PTPN5: variants seen among roughly 807,000 people sequenced by gnomAD.
The protein encoded by PTPN5 is tyrosine-protein phosphatase non-receptor type 5.
A neutral mutation model predicts 73.9 loss-of-function variants in PTPN5; 29 were observed. The ratio of observed to expected loss-of-function variants is 0.39; its 90% confidence interval spans 0.29 to 0.54. PTPN5 has a LOEUF of 0.54. PTPN5 is among the 20% of genes least tolerant of loss of function. PTPN5 has a pLI of 0.65. For missense variants in PTPN5, 652 were observed against 751.4 expected, an observed-to-expected ratio of 0.87 and a Z score of 1.55; for synonymous variants, 267 against 304.7, an observed-to-expected ratio of 0.88 and a Z score of 1.29.
intron 1 of PTPN5, among the ~76,000 whole-genome samples, chr11:18,773,572 T>G (rs911344585): frequency 6.6e-6 from 1 of 152,116 alleles, no homozygotes; most frequent in Non-Finnish European, 1.5e-5. Flanking sequence ...CCTTGAAACA[T>G]CCCTGGCATG....
chr11:18,730,236 CTTAGTGCTGCAA>C (rs1032802911), intron 12 of PTPN5: 59 of 357,014 alleles, frequency 1.7e-4, no homozygotes, highest in Admixed American at 9.3e-5. Flanking sequence ...TCGCCTCTAT[CTTAGTGCTGCAA>C]TTAGTGCTGC....
At chr11:18,750,067 T>C (rs930617) in intron 3 of PTPN5, among the ~76,000 whole-genome samples, 24,810 of 152,158 alleles carry the variant, frequency 0.16, 2,248 homozygotes, top group African/African-American at 0.25. Flanking sequence ...GTTCAGCCCA[T>C]TAATTTCTCA....
At chr11:18,734,084 G>A (rs1849010804) in intron 9 of PTPN5, among the ~76,000 whole-genome samples, 1 of 152,134 alleles carries the variant, frequency 6.6e-6, no homozygotes, top group South Asian at 2.1e-4. Context: ...TCTGTCAAAT[G>A]GAGGCAAAGA....
At chr11:18,771,275 C>A (rs1387514080) in intron 2 of PTPN5, among the ~76,000 whole-genome samples, 1 of 152,192 alleles carries the variant, frequency 6.6e-6, no homozygotes, top group Non-Finnish European at 1.5e-5. Context: ...CTGAATCAAA[C>A]CTGTCCATTC....
At chr11:18,760,986 G>A (rs1178978983) in intron 3 of PTPN5, among the ~76,000 whole-genome samples, 2 of 152,234 alleles carry the variant, frequency 1.3e-5, no homozygotes, top group African/African-American at 2.4e-5. Context: ...TCCTGCTTAC[G>A]CATCTTCAGG....
chr11:18,777,540 A>G (rs949199988), intron 1 of PTPN5, among the ~76,000 whole-genome samples: 6 of 152,244 alleles, frequency 3.9e-5, no homozygotes, highest in Non-Finnish European at 8.8e-5. Context: ...TCTGGGATGA[A>G]TCTTGCGGAG....
intron 1 of PTPN5, among the ~76,000 whole-genome samples, chr11:18,782,204 A>T (rs935291960): frequency 6.6e-6 from 1 of 151,668 alleles, no homozygotes; most frequent in Non-Finnish European, 1.5e-5. Context: ...AAAACGTGAC[A>T]ACGTGGATGG....
At chr11:18,748,679 G>A (rs918803151) in intron 3 of PTPN5, among the ~76,000 whole-genome samples, 48 of 152,034 alleles carry the variant, frequency 3.2e-4, no homozygotes, top group African/African-American at 1.1e-3. Context: ...ATTGGTGTTA[G>A]TTTCAAAGAT....
chr11:18,752,824 G>A (rs982644587), intron 3 of PTPN5, among the ~76,000 whole-genome samples: 6 of 152,222 alleles, frequency 3.9e-5, no homozygotes, highest in Non-Finnish European at 8.8e-5. Context: ...AGGTACCAGA[G>A]GTCCCCAGTG....
At chr11:18,789,899 C>T (rs529815255) in intron 1 of PTPN5, among the ~76,000 whole-genome samples, 87 of 152,054 alleles carry the variant, frequency 5.7e-4, no homozygotes, top group Non-Finnish European at 1.2e-3. Flanking sequence ...AAAGAACTTA[C>T]TCACGAAACC....
chr11:18,743,260 G>T (rs1849455510), intron 5 of PTPN5, 62 bp downstream of exon 5: 2 of 1,494,070 alleles, frequency 1.3e-6, no homozygotes, highest in African/African-American at 1.4e-5. Context: ...AGGTTGGGGA[G>T]GGTGGGACTA....
chr11:18,731,189 A>G (rs1848858413), intron 12 of PTPN5, among the ~76,000 whole-genome samples: 1 of 147,744 alleles, frequency 6.8e-6, no homozygotes, highest in Non-Finnish European at 1.5e-5. Flanking sequence ...TATATTATAT[A>G]TTTATATTAT....
intron 3 of PTPN5, among the ~76,000 whole-genome samples, chr11:18,752,989 A>C (rs1003245897): frequency 2.1e-4 from 32 of 152,254 alleles, no homozygotes; most frequent in African/African-American, 7.5e-4. Flanking sequence ...CCTCTAGTTC[A>C]GCTCTCTCAT....
rs753943415 is a variant in PTPN5 at position 18,740,586 on chromosome 11, G to A, written c.915+17C>T. The A allele has an allele frequency of 1.3e-4, 200 of 1,526,372 alleles. No individual in the cohort carries two copies. In the East Asian group the frequency reaches 4.1e-3, roughly 31 times the overall value. The allele number at this position is 1,526,372 out of a possible 1,614,324, so 94.6% of individuals were successfully genotyped here. A position where few individuals can be genotyped will look rare whatever the true frequency, so the allele number is the denominator to read the frequency against. ...TGGGTCTGCACACAGTGGGGCGACCGGCTCAAGGGAACTCACAAAGAATTC... is the reference window on the plus strand; with the variant it reads ...TGGGTCTGCACACAGTGGGGCGACCAGCTCAAGGGAACTCACAAAGAATTC... On this transcript the variant is annotated intron_variant, in intron 8 of 14. Coordinates refer to ENST00000358540, the MANE Select transcript of PTPN5 (RefSeq NM_006906.2).
intron 1 of PTPN5, among the ~76,000 whole-genome samples, chr11:18,782,846 G>A (rs1453657647): frequency 6.6e-6 from 1 of 152,186 alleles, no homozygotes; most frequent in Non-Finnish European, 1.5e-5. Flanking sequence ...TATAGGAGAT[G>A]GGGCCAGGGA....
intron 7 of PTPN5, among the ~76,000 whole-genome samples, chr11:18,741,160 G>T (rs967505528): frequency 1.3e-5 from 2 of 152,164 alleles, no homozygotes. Context: ...GGGGACACCT[G>T]CCTGAAGCAC....
chr11:18,787,984 T>C (rs1207506785), intron 1 of PTPN5, among the ~76,000 whole-genome samples: 1 of 152,172 alleles, frequency 6.6e-6, no homozygotes, highest in Non-Finnish European at 1.5e-5. Context: ...TGGTCCCTGG[T>C]AGATTCATAG....
intron 12 of PTPN5, among the ~76,000 whole-genome samples, chr11:18,732,261 G>A (rs1445934281): frequency 6.6e-6 from 1 of 152,180 alleles, no homozygotes; most frequent in Non-Finnish European, 1.5e-5. Context: ...GCACAGTGCT[G>A]GAGGCTGCTG....
At chr11:18,757,320 T>C (rs143113868) in intron 3 of PTPN5, among the ~76,000 whole-genome samples, 78 of 152,328 alleles carry the variant, frequency 5.1e-4, no homozygotes, top group African/African-American at 1.8e-3. Flanking sequence ...TGAAAGGCAA[T>C]GCCCAATACA....
Sources: allele counts gnomAD v4.1 joint callset (sites outside exome capture counted in the v4.1 genomes callset), GRCh38; gene constraint gnomAD v4.1.1; transcripts MANE v1.5; gene names NCBI Gene and HGNC (gene_info 2026-07-23, HGNC 2026-07-21).